Variants in CLSPN observed in about 807,000 individuals in gnomAD.
CLSPN encodes claspin homolog.
Under a neutral mutation model 156.3 loss-of-function variants are expected in CLSPN, and 85 were observed. The ratio of observed to expected loss-of-function variants is 0.54; its 90% confidence interval spans 0.46 to 0.65. The LOEUF (loss-of-function observed/expected upper bound fraction) is 0.65. Among genes scored for constraint, CLSPN ranks in the 30% least tolerant of loss-of-function variants. The pLI is 0.00. For missense variants in CLSPN, 1,407 were observed against 1,554.9 expected (o/e 0.90, Z 1.60); for synonymous variants, 534 against 542.4 (o/e 0.98, Z 0.22).
chr1:35,751,629 C>T, intron 9 of CLSPN, 123 bp from the exon 10 acceptor site: 2 of 1,297,156 alleles, frequency 1.5e-6, no homozygotes, highest in Non-Finnish European at 2.1e-6. Context: ...GTATTCTGGG[C>T]TTTTTTGTTA....
At position 35,735,984 on chromosome 1, in the gene CLSPN, G is replaced by A. The variant is rs1485880205; in HGVS notation, c.*512C>T. The A allele has an allele frequency of 1.2e-5, 11 of 948,968 alleles. No homozygotes were observed. The East Asian group carries it at 3.5e-4, about 30-fold the overall frequency. The allele number at this position is 948,968 out of a possible 1,614,324, so 58.8% of individuals were successfully genotyped here. A position where few individuals can be genotyped will look rare whatever the true frequency, so the allele number is the denominator to read the frequency against. ...CATGTGACCAGCACTTTGTGGGGCC[G>A]AGGTGGATGGATCATTTGAGGTCAG... On this transcript the variant is annotated 3_prime_UTR_variant, in exon 25 of 25. Coordinates refer to ENST00000318121, the MANE Select transcript of CLSPN (RefSeq NM_022111.4).
At chr1:35,738,616 A>T in intron 20 of CLSPN, 34 bp from the exon 21 acceptor site, 1 of 1,611,826 alleles carries the variant, frequency 6.2e-7, no homozygotes, top group East Asian at 2.2e-5. Flanking sequence ...AGCATTCGGC[A>T]GTCCTCACAG....
intron 8 of CLSPN, among the ~76,000 whole-genome samples, chr1:35,756,718 C>A (rs988449550): frequency 1.3e-5 from 2 of 152,154 alleles, no homozygotes; most frequent in Non-Finnish European, 2.9e-5. Context: ...TAATGTATTT[C>A]TGACATCACA....
At chr1:35,753,040 T>C (rs915074350) in intron 9 of CLSPN, among the ~76,000 whole-genome samples, 9 of 152,208 alleles carry the variant, frequency 5.9e-5, no homozygotes, top group African/African-American at 2.2e-4. Context: ...AATACATTTC[T>C]AAAACACAAA....
intron 22 of CLSPN, 158 bp from the exon 23 acceptor site, chr1:35,737,579 C>T (rs1571192690): frequency 1.7e-6 from 1 of 577,148 alleles, no homozygotes; most frequent in Non-Finnish European, 3.1e-6. Flanking sequence ...ATAATTGGCT[C>T]CAAGAAGAGA....
chr1:35,745,401 T>C, intron 16 of CLSPN, 50 bp downstream of exon 16: 1 of 1,282,740 alleles, frequency 7.8e-7, no homozygotes, highest in Non-Finnish European at 1.1e-6. Flanking sequence ...GTTATTTTGA[T>C]TTTATCAAAA....
In CLSPN at chr1:35,748,820, CTTTTTTTTTTTTT is replaced by C. The variant is rs201350754; in HGVS notation, c.2273-229_2273-217del. On this transcript the variant is annotated intron_variant, in intron 12 of 24. Transcript: ENST00000318121. ...CTGAGCTAAGTGACACTTGAAAGTT[CTTTTTTTTTTTTT>C]TTTTTTTTTTTTGAGACAGTCTCGC... The C allele has an allele frequency of 8.9e-4, 262 of 292,968 alleles. No individual in the cohort carries two copies. The East Asian group carries it at 9.7e-3, about 11-fold the overall frequency. The allele number at this position is 292,968 out of a possible 1,614,324, so 18.1% of individuals were successfully genotyped here.
chr1:35,740,228 G>A (rs879494130), intron 18 of CLSPN, among the ~76,000 whole-genome samples: 1 of 152,134 alleles, frequency 6.6e-6, no homozygotes. Flanking sequence ...CCCCACATCA[G>A]AAGGAAGACT....
Position 35,743,456 on chromosome 1 carries a change from T to A in CLSPN, c.3041A>T (p.Glu1014Val). 6.2e-7 allele frequency: 1 copy of A among 1,612,076 alleles called. No homozygotes were observed. Among genetic ancestry groups the A allele is most frequent in the Non-Finnish European group, 8.5e-7 (1 of 1,178,206 alleles). Reference protein sequence around the residue: ...VSNDNEFDSDEDEHSDSGNDL... With the variant: ...VSNDNEFDSDVDEHSDSGNDL... The stretch of plus-strand genomic sequence containing the variant: ...TTACTTTGTTCCCTTCATACTCACC[T>A]CATCACTATCAAACTCATTATCATT... The change falls in exon 17 of 25, where the codon GAG becomes GTG. Residue 1014 changes from glutamate to valine, a missense_variant and splice_region_variant. Around this residue, in one of 3 missense-constraint regions of CLSPN, gnomAD observed 1,096 missense variants for 1,193.0 expected, o/e 0.92. Coordinates refer to ENST00000318121, the MANE Select transcript of CLSPN (RefSeq NM_022111.4).
In CLSPN at chr1:35,761,295, C is replaced by T. The variant is rs548362428; in HGVS notation, c.896-91G>A. On this transcript the variant is annotated intron_variant, in intron 6 of 24. Transcript: ENST00000318121. ...GTTAACTAAACATAATAACCAAAGC[C>T]ATCACTAGAAATAGAAAACTCCCCT... The T allele has an allele frequency of 2.1e-4, 169 of 807,532 alleles. 2 individuals carry two copies. Among genetic ancestry groups the T allele is most frequent in the Middle Eastern group, 1.0e-3 (4 of 3,884 alleles). The allele number at this position is 807,532 out of a possible 1,614,324, so 50.0% of individuals were successfully genotyped here. A position where few individuals can be genotyped will look rare whatever the true frequency, so the allele number is the denominator to read the frequency against.
Position 35,734,715 on chromosome 1 carries a change from A to G in CLSPN, c.*1781T>C, listed in dbSNP as rs1641408254. 15 of 960,956 alleles carry G rather than the reference A, an allele frequency of 1.6e-5. No individual in the cohort carries two copies. Among genetic ancestry groups the G allele is most frequent in the Non-Finnish European group, 1.9e-5 (15 of 808,082 alleles). The allele number at this position is 960,956 out of a possible 1,614,324, so 59.5% of individuals were successfully genotyped here. A position where few individuals can be genotyped will look rare whatever the true frequency, so the allele number is the denominator to read the frequency against. On this transcript the variant is annotated 3_prime_UTR_variant, in exon 25 of 25. Transcript: ENST00000318121. ...AGAAAAGAAAAGAAAAGAAAAAGAA[A>G]AAGAAAAGAAAAGAAAAACTGTAAA...
chr1:35,747,802 T>A (rs931303489), intron 14 of CLSPN, 105 bp downstream of exon 14: 12 of 1,125,600 alleles, frequency 1.1e-5, no homozygotes, highest in Non-Finnish European at 1.5e-5. Context: ...CTTCTCTTTC[T>A]CAGAAGAGAA....
chr1:35,758,978 C>T (rs907424163), intron 8 of CLSPN, among the ~76,000 whole-genome samples: 4 of 151,950 alleles, frequency 2.6e-5, no homozygotes, highest in African/African-American at 4.8e-5. Context: ...GGTCAAATGG[C>T]GTATACAATG....
intron 8 of CLSPN, among the ~76,000 whole-genome samples, chr1:35,758,859 T>C (rs1642380732): frequency 6.6e-6 from 1 of 150,634 alleles, no homozygotes. Flanking sequence ...CTTAAACTCC[T>C]GGGTTCAAGT....
intron 13 of CLSPN, 133 bp from the exon 14 acceptor site, chr1:35,748,194 C>A (rs1396040635): frequency 9.3e-7 from 1 of 1,073,080 alleles, no homozygotes; most frequent in East Asian, 2.4e-5. Context: ...GGACAATACA[C>A]AGCCATGAGA....
chr1:35,756,695 C>T (rs1642283354), intron 8 of CLSPN, among the ~76,000 whole-genome samples: 1 of 152,158 alleles, frequency 6.6e-6, no homozygotes, highest in Admixed American at 6.5e-5. Flanking sequence ...TATGCTATTG[C>T]AAGCAACAGA....
chr1:35,741,593 G>T (rs1641692362), intron 18 of CLSPN, among the ~76,000 whole-genome samples: 1 of 152,130 alleles, frequency 6.6e-6, no homozygotes, highest in Admixed American at 6.5e-5. Context: ...TGAGATTATA[G>T]GCGTGGGCCA....
Position 35,737,039 on chromosome 1 carries a change from C to T in CLSPN, c.3784G>A (p.Val1262Met). 1 of 1,614,128 alleles carries T rather than the reference C, an allele frequency of 6.2e-7. No homozygotes were observed. Among genetic ancestry groups the T allele is most frequent in the South Asian group, 1.1e-5 (1 of 91,072 alleles). The change falls in exon 24 of 25, where the codon GTG becomes ATG. Residue 1262 changes from valine (V) to methionine (M), a missense_variant. Val to Met is a conservative substitution (Grantham distance 21). Around this residue, in one of 3 missense-constraint regions of CLSPN, gnomAD observed 241 missense variants for 240.5 expected, o/e 1.00. Transcript: ENST00000318121. ...GAGAGAGCAGCCAGTTTCTGAAGCACAGCTTTGGGCTGGTTTAGCAGTGAG... is the reference window on the plus strand; with the variant it reads ...GAGAGAGCAGCCAGTTTCTGAAGCATAGCTTTGGGCTGGTTTAGCAGTGAG... Reference protein sequence around the residue: ...TGSLLNQPKAVLQKLAALSDH... With the variant: ...TGSLLNQPKAMLQKLAALSDH...
intron 18 of CLSPN, among the ~76,000 whole-genome samples, chr1:35,741,772 A>T (rs575230612): frequency 6.6e-6 from 1 of 151,848 alleles, no homozygotes; most frequent in South Asian, 2.1e-4. Flanking sequence ...CAAGAGATCG[A>T]GACCATCCTG....
Sources: allele counts gnomAD v4.1 joint callset (sites outside exome capture counted in the v4.1 genomes callset), GRCh38; gene constraint gnomAD v4.1.1; regional missense constraint gnomAD v4.1.1; transcripts MANE v1.5; gene names NCBI Gene and HGNC (gene_info 2026-07-23, HGNC 2026-07-21).